Variants in ANKRD26 observed in about 807,000 individuals in gnomAD.
ANKRD26 encodes the protein ankyrin repeat domain-containing protein 26.
ANKRD26 carries 141 observed loss-of-function variants against 208.7 expected under a neutral mutation model. The observed-to-expected ratio is 0.68, with a 90% CI of 0.59 to 0.78. The LOEUF (loss-of-function observed/expected upper bound fraction) is 0.78. Among genes scored for constraint, ANKRD26 ranks in the 30% least tolerant of loss-of-function variants. ANKRD26 has a pLI of 0.00. For missense variants in ANKRD26, 1,889 were observed against 1,938.7 expected (o/e 0.97, Z 0.48); for synonymous variants, 636 against 660.4 (o/e 0.96, Z 0.57).
intron 15 of ANKRD26, among the ~76,000 whole-genome samples, chr10:27,056,141 G>C (rs1205449986): frequency 6.6e-6 from 1 of 152,130 alleles, no homozygotes. Flanking sequence ...TACATAAGGA[G>C]AATAAACACA....
chr10:27,022,841 T>A (rs1412369696), intron 28 of ANKRD26, among the ~76,000 whole-genome samples, 154 bp from the exon 29 acceptor site: 2 of 152,174 alleles, frequency 1.3e-5, no homozygotes, highest in Non-Finnish European at 2.9e-5. Flanking sequence ...AACACTCTAA[T>A]GAAATTATAA....
exon 6 of ANKRD26, among the ~76,000 whole-genome samples, chr10:26,975,402 C>CTTTTTTGTTTTTTTT (rs2052209923): frequency 1.1e-5 from 1 of 90,484 alleles, no homozygotes; most frequent in Admixed American, 1.5e-4. Context: ...CTAATTTTTG[C>CTTTTTTGTTTTTTTT]TTTTTTTTTT....
intron 15 of ANKRD26, 40 bp downstream of exon 15, chr10:27,060,305 G>A (rs571119581): frequency 1.1e-4 from 154 of 1,462,366 alleles, no homozygotes; most frequent in Admixed American, 1.5e-4. Context: ...AAATTTTAAC[G>A]TACTTCCTTC....
Position 27,035,434 on chromosome 10 carries a change from C to T in ANKRD26, c.3016G>A (p.Val1006Ile). Residue 1006 changes from valine to isoleucine, a missense_variant, in exon 24 of 34, where the codon GTT becomes ATT. Transcript: ENST00000376087. ...KQSKERLEAE[V>I]ESYHSRLAAA... ...GCCAATCTAGAATGGTATGATTCAA[C>T]TTCTGCTTCCAGTCTTTCCTTGCTT... 6.2e-7 allele frequency: 1 copy of T among 1,614,020 alleles called. No homozygotes were observed. Among genetic ancestry groups the T allele is most frequent in the Non-Finnish European group, 8.5e-7 (1 of 1,179,968 alleles).
intron 5 of ANKRD26, among the ~76,000 whole-genome samples, chr10:26,976,540 T>C (rs989214780): frequency 1.3e-5 from 2 of 152,138 alleles, no homozygotes; most frequent in African/African-American, 4.8e-5. Flanking sequence ...CCAAGGATGT[T>C]TGCACAGCAA....
rs749269058 is a variant in ANKRD26, at chr10:27,005,622, C to A, written c.5101G>T (p.Val1701Leu). The A allele has an allele frequency of 1.9e-6, 3 of 1,612,642 alleles. No homozygotes were observed. The highest frequency in any genetic ancestry group is 2.5e-6 in the Non-Finnish European group (3 of 1,179,288). Residue 1701 changes from valine (V) to leucine (L), a missense_variant, in exon 34 of 34, where the codon GTA becomes TTA. This residue lies in a region of ANKRD26 where 613 missense variants were observed against 648.2 expected (regional missense o/e 0.95). Transcript: ENST00000376087. ...DLVWKASREYVQVLKKNYMI is the reference protein window; with the variant it reads ...DLVWKASREYLQVLKKNYMI ...ATATAATTTTTCTTTAAAACCTGTACATATTCTCTTGATGCTTTCCAAACT... is the reference window on the plus strand; with the variant it reads ...ATATAATTTTTCTTTAAAACCTGTAAATATTCTCTTGATGCTTTCCAAACT...
chr10:27,063,169 C>T (rs1376418345), intron 12 of ANKRD26, among the ~76,000 whole-genome samples: 1 of 152,154 alleles, frequency 6.6e-6, no homozygotes, highest in Non-Finnish European at 1.5e-5. Context: ...TACCTCCATC[C>T]TTGCCTTCCC....
chr10:26,964,396 C>T, the ANKRD26 span, among the ~76,000 whole-genome samples: 1 of 152,168 alleles, frequency 6.6e-6, no homozygotes, highest in Non-Finnish European at 1.5e-5. Flanking sequence ...TAGCCACCTA[C>T]CCTTTTAGAG....
chr10:27,091,759 C>T (rs528877027), intron 4 of ANKRD26, among the ~76,000 whole-genome samples: 1 of 152,112 alleles, frequency 6.6e-6, no homozygotes, highest in African/African-American at 2.4e-5. Context: ...AAGGCCAAGG[C>T]GGGTGGATCA....
chr10:27,006,540 T>C, intron 33 of ANKRD26, among the ~76,000 whole-genome samples: 1 of 152,198 alleles, frequency 6.6e-6, no homozygotes, highest in East Asian at 1.9e-4. Context: ...TCTGGGGTCT[T>C]TGGGCCTTAA....
At chr10:27,036,966 C>A (rs1248906379) in intron 23 of ANKRD26, among the ~76,000 whole-genome samples, 3 of 152,098 alleles carry the variant, frequency 2.0e-5, no homozygotes, top group African/African-American at 7.2e-5. Flanking sequence ...TGAGGCCATT[C>A]TGAATGTCAT....
At chr10:27,092,906 A>T (rs1230213801) in intron 3 of ANKRD26, among the ~76,000 whole-genome samples, 1 of 152,150 alleles carries the variant, frequency 6.6e-6, no homozygotes, top group Non-Finnish European at 1.5e-5. Context: ...AACATGGCAA[A>T]ACCCCATCTC....
rs115864032 is a variant in ANKRD26 at position 27,067,142 on chromosome 10, T to G, written c.1207+15A>C. 4 of 1,611,112 alleles carry G rather than the reference T, an allele frequency of 2.5e-6. No individual in the cohort carries two copies. The highest frequency in any genetic ancestry group is 3.4e-6 in the Non-Finnish European group (4 of 1,178,310). On this transcript the variant is annotated intron_variant, in intron 10 of 33. Transcript: ENST00000376087. ...TTAAGGATAGAAAAATATTCAGAGA[T>G]ATCCACTAACTTACCACTTCTATTA...
intron 32 of ANKRD26, among the ~76,000 whole-genome samples, chr10:27,010,640 C>T (rs1169691836): frequency 3.9e-5 from 6 of 152,156 alleles, no homozygotes; most frequent in South Asian, 2.1e-4. Flanking sequence ...GGACTACAAG[C>T]GTGCACCACC....
At chr10:27,017,911 TAA>T (rs2053353631) in intron 29 of ANKRD26, 119 bp from the exon 30 acceptor site, 1 of 959,996 alleles carries the variant, frequency 1.0e-6, no homozygotes, top group African/African-American at 1.7e-5. Flanking sequence ...ACCTGAACCA[TAA>T]AAGATTCTTC....
chr10:27,059,451 T>C (rs940671852), intron 15 of ANKRD26, among the ~76,000 whole-genome samples: 3 of 152,154 alleles, frequency 2.0e-5, no homozygotes, highest in African/African-American at 7.2e-5. Flanking sequence ...TATAGACGTA[T>C]ACATACACAG....
At position 27,022,654 on chromosome 10, in the gene ANKRD26, C is replaced by A. The variant is rs1183938197; in HGVS notation, c.4119G>T (p.Lys1373Asn). The A allele has an allele frequency of 6.3e-7, 1 of 1,586,446 alleles. No individual in the cohort carries two copies. ...FKNLLKMTRKKLNEYENGEFS... is the reference protein window; with the variant it reads ...FKNLLKMTRKNLNEYENGEFS... The stretch of plus-strand genomic sequence containing the variant: ...ATTCTCCATTTTCATATTCATTTAA[C>A]TTCTTTCTTGTCATTTTTAAGAGGT... Residue 1373 changes from lysine (K) to asparagine (N), a missense_variant, in exon 29 of 34, where the codon AAG becomes AAT. Transcript: ENST00000376087.
Position 27,092,477 on chromosome 10 carries a change from T to C in ANKRD26, c.567A>G (p.Gly189=). The C allele has an allele frequency of 3.1e-6, 5 of 1,613,794 alleles. No individual in the cohort carries two copies. The highest frequency in any genetic ancestry group is 3.4e-6 in the Non-Finnish European group (4 of 1,179,940). ...AAAATTCCACCATTTGCTGCTTTTT[T>C]CCACTTACTGCAAGTAAAAGTGGTG... is the stretch of plus-strand genomic sequence containing the variant. ...DLTPLLLAVS[G]KKQQMVEFLI... The change falls in exon 4 of 34, where the codon GGA becomes GGG. Residue 189 remains glycine (G), a synonymous_variant. Coordinates refer to ENST00000376087, the MANE Select transcript of ANKRD26 (RefSeq NM_014915.3).
At chr10:27,097,045 G>A (rs774384817) in intron 1 of ANKRD26, among the ~76,000 whole-genome samples, 1 of 151,934 alleles carries the variant, frequency 6.6e-6, no homozygotes, top group Non-Finnish European at 1.5e-5. Context: ...AGCCAGGCAT[G>A]GTGGCACGTG....
Sources: allele counts gnomAD v4.1 joint callset (sites outside exome capture counted in the v4.1 genomes callset), GRCh38; gene constraint gnomAD v4.1.1; regional missense constraint gnomAD v4.1.1; transcripts MANE v1.5; gene names NCBI Gene and HGNC (gene_info 2026-07-23, HGNC 2026-07-21).